The following PTPRD variants were observed in gnomAD, a reference collection of about 807,000 sequenced individuals.
PTPRD encodes protein tyrosine phosphatase receptor type D.
Under a neutral mutation model 214.5 loss-of-function variants are expected in PTPRD, and 34 were observed. The ratio of observed to expected loss-of-function variants is 0.16; its 90% confidence interval spans 0.12 to 0.21. The LOEUF is 0.21. Ranked by LOEUF, PTPRD falls within the 10% of genes least tolerant of loss-of-function variation. The pLI is 1.00. For missense variants in PTPRD, 2,545 were observed against 2,398.7 expected (o/e 1.06, Z -1.27); for synonymous variants, 1,128 against 845.7 (o/e 1.33, Z -5.79).
intron 27 of PTPRD, 162 bp from the exon 28 acceptor site, chr9:8,486,511 T>C (rs2097016445): frequency 1.3e-6 from 1 of 746,920 alleles, no homozygotes; most frequent in African/African-American, 1.7e-5. Flanking sequence ...TGTGGAAATA[T>C]GCTCCTTGTC....
intron 11 of PTPRD, among the ~76,000 whole-genome samples, chr9:8,974,763 T>C (rs2099258607): frequency 1.3e-5 from 2 of 151,988 alleles, no homozygotes; most frequent in South Asian, 2.1e-4. Flanking sequence ...TATATAATAG[T>C]ATATACCACT....
At chr9:9,053,089 T>C (rs2099689481) in intron 10 of PTPRD, among the ~76,000 whole-genome samples, 1 of 152,164 alleles carries the variant, frequency 6.6e-6, no homozygotes, top group Non-Finnish European at 1.5e-5. Flanking sequence ...ATCTTAGATA[T>C]AGGGGTATAA....
chr9:8,330,548 A>C (rs921300008), intron 44 of PTPRD, among the ~76,000 whole-genome samples: 2 of 125,124 alleles, frequency 1.6e-5, no homozygotes, highest in Non-Finnish European at 3.1e-5. Flanking sequence ...TTTGCAAAGG[A>C]TGTTTAATAA....
chr9:8,506,557 T>A (rs1377334289), intron 22 of PTPRD, among the ~76,000 whole-genome samples: 1 of 152,228 alleles, frequency 6.6e-6, no homozygotes, highest in Non-Finnish European at 1.5e-5. Context: ...TGCGAGACTT[T>A]GAGCAAATTA....
chr9:9,267,693 A>C (rs1057157794), intron 9 of PTPRD, among the ~76,000 whole-genome samples: 2 of 151,278 alleles, frequency 1.3e-5, no homozygotes, highest in Non-Finnish European at 1.5e-5. Flanking sequence ...ATCAAGTGAT[A>C]TTTATCCCTG....
At chr9:10,044,726 A>G (rs1456000101) in intron 3 of PTPRD, among the ~76,000 whole-genome samples, 1 of 151,756 alleles carries the variant, frequency 6.6e-6, no homozygotes, top group Non-Finnish European at 1.5e-5. Flanking sequence ...TAAGTAATAG[A>G]GCTGAGACTG....
chr9:9,127,771 G>C (rs970510581), intron 10 of PTPRD, among the ~76,000 whole-genome samples: 5 of 151,998 alleles, frequency 3.3e-5, no homozygotes, highest in African/African-American at 1.2e-4. Flanking sequence ...TCGGGAAAGA[G>C]TAAAGAAAAT....
intron 11 of PTPRD, among the ~76,000 whole-genome samples, chr9:8,871,164 C>G (rs1469125200): frequency 6.6e-6 from 1 of 152,156 alleles, no homozygotes; most frequent in Non-Finnish European, 1.5e-5. Flanking sequence ...TTTTTAAAAG[C>G]CCTGGGCATA....
intron 11 of PTPRD, among the ~76,000 whole-genome samples, chr9:8,821,784 C>T (rs960588405): frequency 8.5e-5 from 13 of 152,186 alleles, no homozygotes; most frequent in Admixed American, 8.5e-4. Flanking sequence ...TCTGCCTCAG[C>T]CTCCCGAGTA....
chr9:8,377,559 T>C (rs1265884979), intron 37 of PTPRD, among the ~76,000 whole-genome samples: 2 of 152,094 alleles, frequency 1.3e-5, no homozygotes, highest in African/African-American at 2.4e-5. Context: ...ACAATATTTT[T>C]GGAGTAAGGC....
At chr9:10,114,371 T>G (rs1397388788) in intron 3 of PTPRD, among the ~76,000 whole-genome samples, 1 of 152,164 alleles carries the variant, frequency 6.6e-6, no homozygotes, top group East Asian at 1.9e-4. Flanking sequence ...TATATTTTCT[T>G]GATTCTTAGG....
chr9:10,231,571 C>T (rs1371625213), intron 3 of PTPRD, among the ~76,000 whole-genome samples: 1 of 148,904 alleles, frequency 6.7e-6, no homozygotes, highest in African/African-American at 2.5e-5. Flanking sequence ...GGAGGTGGTG[C>T]ACATACACAT....
chr9:9,689,923 T>A (rs575949562), intron 7 of PTPRD, among the ~76,000 whole-genome samples: 1 of 152,070 alleles, frequency 6.6e-6, no homozygotes, highest in South Asian at 2.1e-4. Context: ...ATTTAACTAC[T>A]GTGAATAGTG....
intron 5 of PTPRD, among the ~76,000 whole-genome samples, chr9:9,909,333 TA>T (rs1352840730): frequency 2.0e-5 from 3 of 149,840 alleles, no homozygotes; most frequent in African/African-American, 7.5e-5. Flanking sequence ...TTTTTTTTTT[TA>T]CGGCTTTTCC....
rs141908303 is a variant in PTPRD, at chr9:8,418,962, T to G, written c.4087-14302A>C. On this transcript the variant is annotated intron_variant, in intron 35 of 45. Transcript: ENST00000381196. The stretch of plus-strand genomic sequence containing the variant: ...TGTCTGTCTGGTGATAATGTCCTTG[T>G]AAAAATGGCTCCTTCATTCAAAATC... Among the ~76,000 whole-genome samples, 590 of 152,104 alleles carry G rather than the reference T, an allele frequency of 3.9e-3. 4 individuals carry two copies. The highest frequency in any genetic ancestry group is 6.9e-3 in the Admixed American group (105 of 15,254).
intron 2 of PTPRD, among the ~76,000 whole-genome samples, chr9:10,453,694 T>A (rs913749018): frequency 2.0e-5 from 3 of 151,700 alleles, no homozygotes; most frequent in African/African-American, 7.2e-5. Flanking sequence ...CCAGTTATTT[T>A]TTTTTGTGGG....
intron 4 of PTPRD, among the ~76,000 whole-genome samples, chr9:9,938,876 A>T (rs1043792145): frequency 6.6e-6 from 1 of 152,142 alleles, no homozygotes; most frequent in African/African-American, 2.4e-5. Flanking sequence ...AATCATTCCT[A>T]TCCATTTGGT....
intron 10 of PTPRD, among the ~76,000 whole-genome samples, chr9:9,158,431 C>T (rs564635343): frequency 6.6e-6 from 1 of 152,092 alleles, no homozygotes; most frequent in Non-Finnish European, 1.5e-5. Context: ...AAAACTCCGT[C>T]TCTACTAAAA....
At chr9:8,401,896 C>T (rs1471540788) in intron 36 of PTPRD, among the ~76,000 whole-genome samples, 1 of 152,074 alleles carries the variant, frequency 6.6e-6, no homozygotes, top group Admixed American at 6.6e-5. Context: ...GGTTGGAACA[C>T]AAAACAAGCA....
Sources: gnomAD v4.1 joint callset for allele counts (sites outside exome capture counted in the v4.1 genomes callset) on GRCh38, gnomAD v4.1.1 for gene constraint, MANE v1.5 for transcripts, NCBI Gene and HGNC (gene_info 2026-07-23, HGNC 2026-07-21) for gene names.